SLC71A1: variants seen among roughly 807,000 people sequenced by gnomAD.
The protein encoded by SLC71A1 is solute carrier family 71 member 1, also known as hippocampus abundant gene transcript 1.
the SLC71A1 span, chr1:100,078,442 T>C: frequency 6.3e-7 from 1 of 1,582,176 alleles, no homozygotes; most frequent in South Asian, 1.1e-5. Context: ...TTTGCTGCTC[T>C]CCTTATAGGA....
chr1:100,054,234 G>A, the SLC71A1 span, among the ~76,000 whole-genome samples: 1 of 150,856 alleles, frequency 6.6e-6, no homozygotes, highest in Admixed American at 6.6e-5. Context: ...TTTTTTTTGA[G>A]ACAGAGTTTC....
the SLC71A1 span, chr1:100,068,422 C>T: frequency 1.6e-6 from 2 of 1,234,598 alleles, no homozygotes; most frequent in African/African-American, 1.5e-5. Flanking sequence ...AAGAATAGTT[C>T]AGTGGTTTTG....
the SLC71A1 span, among the ~76,000 whole-genome samples, chr1:100,055,345 ATTTTT>A: frequency 7.1e-6 from 1 of 140,256 alleles, no homozygotes. Context: ...CTTTTTTGCA[ATTTTT>A]TTTTTTTTTT....
chr1:100,065,915 C>G, the SLC71A1 span, among the ~76,000 whole-genome samples: 5 of 152,042 alleles, frequency 3.3e-5, no homozygotes, highest in Admixed American at 3.3e-4. Flanking sequence ...ATCAAGTGAT[C>G]TCCCACCTCA....
the SLC71A1 span, among the ~76,000 whole-genome samples, chr1:100,053,501 C>T: frequency 6.6e-6 from 1 of 152,122 alleles, no homozygotes; most frequent in Non-Finnish European, 1.5e-5. Context: ...AAGTCAGTAT[C>T]TTTCATTTCC....
At chr1:100,076,979 A>G in the SLC71A1 span, among the ~76,000 whole-genome samples, 5,040 of 152,288 alleles carry the variant, frequency 0.033, 303 homozygotes, top group African/African-American at 0.11. Context: ...GTCTGGATCT[A>G]TGTCAGCAGA....
the SLC71A1 span, among the ~76,000 whole-genome samples, chr1:100,073,243 C>G: frequency 6.6e-6 from 1 of 152,250 alleles, no homozygotes; most frequent in African/African-American, 2.4e-5. Context: ...TATCTTCCAT[C>G]TGGTCTCTCT....
chr1:100,048,886 G>T, the SLC71A1 span, among the ~76,000 whole-genome samples: 8 of 152,312 alleles, frequency 5.3e-5, no homozygotes, highest in Admixed American at 2.0e-4. Context: ...TGAGCCTCGT[G>T]GGGGGAAGTG....
chr1:100,042,810 A>G, the SLC71A1 span, among the ~76,000 whole-genome samples: 2 of 151,966 alleles, frequency 1.3e-5, no homozygotes, highest in Non-Finnish European at 2.9e-5. Context: ...GGATTTTACC[A>G]TGTTGGCCAG....
At chr1:100,056,306 A>G in the SLC71A1 span, among the ~76,000 whole-genome samples, 1 of 152,216 alleles carries the variant, frequency 6.6e-6, no homozygotes, top group Non-Finnish European at 1.5e-5. Flanking sequence ...ACTTAACATA[A>G]TGACCTCCAG....
chr1:100,054,264 A>G, the SLC71A1 span, among the ~76,000 whole-genome samples: 3 of 151,602 alleles, frequency 2.0e-5, no homozygotes, highest in Non-Finnish European at 4.4e-5. Flanking sequence ...TCTAGGCTGG[A>G]ATTCAGTGGC....
the SLC71A1 span, among the ~76,000 whole-genome samples, chr1:100,067,143 A>T: frequency 2.6e-5 from 4 of 152,078 alleles, no homozygotes; most frequent in African/African-American, 7.2e-5. Flanking sequence ...CAGTCTTCTT[A>T]AAAAAATCTC....
the SLC71A1 span, chr1:100,068,466 G>A: frequency 6.4e-7 from 1 of 1,570,678 alleles, no homozygotes; most frequent in Non-Finnish European, 8.8e-7. Flanking sequence ...TCTTTTTCTT[G>A]TTCTAGTCCT....
the SLC71A1 span, among the ~76,000 whole-genome samples, chr1:100,039,589 A>G: frequency 6.6e-6 from 1 of 152,364 alleles, no homozygotes; most frequent in Admixed American, 6.5e-5. Flanking sequence ...TAATTAAAAC[A>G]TTACTTTGAT....
At chr1:100,062,317 C>T in the SLC71A1 span, among the ~76,000 whole-genome samples, 1 of 152,162 alleles carries the variant, frequency 6.6e-6, no homozygotes, top group Non-Finnish European at 1.5e-5. Context: ...ACATCTAGCT[C>T]AGGGATCAGC....
the SLC71A1 span, chr1:100,068,464 T>G: frequency 1.9e-6 from 3 of 1,564,610 alleles, no homozygotes; most frequent in East Asian, 4.5e-5. Context: ...AGTCTTTTTC[T>G]TGTTCTAGTC....
At chr1:100,070,692 A>G in the SLC71A1 span, among the ~76,000 whole-genome samples, 1 of 152,120 alleles carries the variant, frequency 6.6e-6, no homozygotes, top group Non-Finnish European at 1.5e-5. Context: ...CTCTCACATC[A>G]CAGAACATTG....
chr1:100,080,754 A>T, the SLC71A1 span: 1 of 1,061,794 alleles, frequency 9.4e-7, no homozygotes, highest in Non-Finnish European at 1.4e-6. Context: ...GTGAGATTCT[A>T]TTTGAGATTG....
At chr1:100,038,157 G>T in the SLC71A1 span, 3 of 1,304,536 alleles carry the variant, frequency 2.3e-6, no homozygotes, top group South Asian at 3.8e-5. Flanking sequence ...CGGCAGTAGT[G>T]GTGGGACGGC....
Sources: allele counts gnomAD v4.1 joint callset (sites outside exome capture counted in the v4.1 genomes callset), GRCh38; gene constraint gnomAD v4.1.1; transcripts MANE v1.5; gene names NCBI Gene and HGNC (gene_info 2026-07-23, HGNC 2026-07-21).